ABCB5: variants seen among roughly 807,000 people sequenced by gnomAD.
ABCB5 encodes the protein ATP-binding cassette sub-family B member 5.
A neutral mutation model predicts 144.2 loss-of-function variants in ABCB5; 155 were observed. The observed-to-expected ratio is 1.08, with a 90% CI of 0.94 to 1.23. The LOEUF (loss-of-function observed/expected upper bound fraction) is 1.23, where lower values mean the gene tolerates loss of function less well. ABCB5 is among the 50% of genes most tolerant of loss of function. The pLI is 0.00. For missense variants in ABCB5, 1,830 were observed against 1,520.8 expected (o/e 1.20, Z -3.38); for synonymous variants, 610 against 528.6 (o/e 1.15, Z -2.11).
In ABCB5 at chr7:20,651,566, G is replaced by C. The variant is rs764251604; in HGVS notation, c.1479G>C (p.Glu493Asp). The C allele has an allele frequency of 1.9e-6, 3 of 1,614,016 alleles. No individual in the cohort carries two copies. In the African/African-American group the frequency reaches 4.0e-5, roughly 22 times the overall value. Residue 493 changes from glutamate to aspartate, a missense_variant, in exon 13 of 28, where the codon GAG (glutamate) becomes GAC (aspartate). Coordinates refer to ENST00000404938, the MANE Select transcript of ABCB5 (RefSeq NM_001163941.2). The part of the protein sequence containing the change: ...KYGRDDVTDE[E>D]MERAAREANA... ...GACGAGATGATGTGACTGATGAAGA[G>C]ATGGAGAGAGCAGCAAGGGAAGCAA...
At chr7:20,725,897 C>T (rs1306676862) in intron 21 of ABCB5, among the ~76,000 whole-genome samples, 1 of 152,128 alleles carries the variant, frequency 6.6e-6, no homozygotes, top group Non-Finnish European at 1.5e-5. Context: ...AAATTGGGAG[C>T]AGAATCCTGG....
At position 20,708,013 on chromosome 7, in the gene ABCB5, G is replaced by A. The variant is rs375031038; in HGVS notation, c.2421+3206G>A. ...GTAGAGACGGGTTTTCACCATGTTAGCCAGGATGGTCTCGATCTCCTGACC... is the reference window on the plus strand; with the variant it reads ...GTAGAGACGGGTTTTCACCATGTTAACCAGGATGGTCTCGATCTCCTGACC... On this transcript the variant is annotated intron_variant, in intron 20 of 27. Transcript: ENST00000404938. 2.6e-5 allele frequency among the ~76,000 whole-genome samples: 4 copies of A among 151,972 alleles called. No individual in the cohort carries two copies. In the East Asian group the frequency reaches 7.7e-4, roughly 29 times the overall value.
At chr7:20,740,803 C>T (rs77103082) in intron 24 of ABCB5, among the ~76,000 whole-genome samples, 12 of 151,978 alleles carry the variant, frequency 7.9e-5, no homozygotes, top group Middle Eastern at 3.2e-3. Context: ...TATCACTCTA[C>T]GCTTTTAAAA....
intron 24 of ABCB5, among the ~76,000 whole-genome samples, chr7:20,740,408 T>C (rs1034497520): frequency 2.0e-5 from 3 of 152,154 alleles, no homozygotes; most frequent in African/African-American, 7.2e-5. Flanking sequence ...TTAATAGATT[T>C]ATATGTATGA....
chr7:20,658,069 T>G (rs1784869078), intron 13 of ABCB5, among the ~76,000 whole-genome samples: 1 of 152,170 alleles, frequency 6.6e-6, no homozygotes, highest in South Asian at 2.1e-4. Flanking sequence ...GGTAGCAATT[T>G]TTTTTCATGC....
Position 20,739,047 on chromosome 7 carries a change from T to C in ABCB5, c.2932T>C (p.Tyr978His). ...IGETLVLAPE[Y>H]SKAKSGAAHL... is the part of the protein sequence containing the mutation. The stretch of plus-strand genomic sequence containing the variant: ...AGAAACGCTCGTTTTGGCTCCTGAA[T>C]ATTCCAAAGCCAAATCGGGGGCTGC... The change falls in exon 24 of 28, where the codon TAT (tyrosine) becomes CAT (histidine). Residue 978 changes from tyrosine (Y) to histidine (H), a missense_variant. By Grantham distance (83) the Tyr-to-His change is moderately conservative (BLOSUM62 2). Transcript: ENST00000404938. The C allele has an allele frequency of 6.2e-7, 1 of 1,612,828 alleles. No homozygotes were observed. The highest frequency in any genetic ancestry group is 8.5e-7 in the Non-Finnish European group (1 of 1,179,454).
intron 14 of ABCB5, chr7:20,667,393 T>G: frequency 1.0e-6 from 1 of 985,572 alleles, no homozygotes; most frequent in Non-Finnish European, 1.2e-6. Flanking sequence ...CAGGAAACCC[T>G]GTGATTCTGA....
chr7:20,674,108 T>A (rs1444088236), intron 14 of ABCB5, among the ~76,000 whole-genome samples: 2 of 151,978 alleles, frequency 1.3e-5, no homozygotes, highest in Admixed American at 1.3e-4. Context: ...CTACATATGT[T>A]ATAAACTCCA....
intron 15 of ABCB5, 119 bp from the exon 16 acceptor site, chr7:20,685,577 C>A: frequency 1.1e-6 from 1 of 881,528 alleles, no homozygotes; most frequent in Non-Finnish European, 1.7e-6. Flanking sequence ...GCAAGAACTA[C>A]ATTAGAATAT....
chr7:20,700,278 G>C, intron 19 of ABCB5, 143 bp downstream of exon 19: 3 of 689,234 alleles, frequency 4.4e-6, no homozygotes, highest in Non-Finnish European at 4.6e-6. Flanking sequence ...AAAATCTGAT[G>C]TCAGAAGTCT....
rs770754241 is a variant in ABCB5, at chr7:20,681,680, G to A, written c.1869+14G>A. The A allele has an allele frequency of 4.3e-6, 7 of 1,610,456 alleles. No homozygotes were observed. The highest frequency in any genetic ancestry group is 1.1e-5 in the South Asian group (1 of 90,870). ...GTGATGTCACAGGTAATGCTTATGT[G>A]ACATAATGCTATGTCAGCAGGGTTT... is the stretch of plus-strand genomic sequence containing the variant. On this transcript the variant is annotated intron_variant, in intron 15 of 27. Transcript: ENST00000404938.
At chr7:20,666,907 A>C in intron 14 of ABCB5, 1 of 1,314,492 alleles carries the variant, frequency 7.6e-7, no homozygotes, top group Non-Finnish European at 9.8e-7. Context: ...TTTCCTGATC[A>C]GTTTTTTAGC....
At chr7:20,650,617 C>T (rs1022871173) in intron 12 of ABCB5, among the ~76,000 whole-genome samples, 3 of 151,026 alleles carry the variant, frequency 2.0e-5, no homozygotes, top group Non-Finnish European at 4.4e-5. Context: ...ACTTTCTCAG[C>T]CTTGTAAGTG....
intron 4 of ABCB5, among the ~76,000 whole-genome samples, chr7:20,629,418 T>C (rs1783983607): frequency 6.6e-6 from 1 of 152,124 alleles, no homozygotes; most frequent in Non-Finnish European, 1.5e-5. Flanking sequence ...CAGGATTTAA[T>C]CAAACGCTTG....
Position 20,753,089 on chromosome 7 carries a change from T to A in ABCB5, c.3430-271T>A, listed in dbSNP as rs565561677. Among the ~76,000 whole-genome samples, 5 of 152,324 alleles carry A rather than the reference T, an allele frequency of 3.3e-5. No homozygotes were observed. In the South Asian group the frequency reaches 1.0e-3, roughly 32 times the overall value. On this transcript the variant is annotated intron_variant, in intron 26 of 27. Coordinates refer to ENST00000404938, the MANE Select transcript of ABCB5 (RefSeq NM_001163941.2). ...ACTTGTTTCTTGCCAGTAATTTTTT[T>A]CTTATGCTTTAATTTGAAAAATTTC...
At position 20,676,858 on chromosome 7, in the gene ABCB5, G is replaced by A. The variant is rs541860554; in HGVS notation, c.1708-4647G>A. Among the ~76,000 whole-genome samples, 211 of 152,198 alleles carry A rather than the reference G, an allele frequency of 1.4e-3. 2 individuals are homozygous for A. The highest frequency in any genetic ancestry group is 2.5e-3 in the Admixed American group (38 of 15,280). ...TAAGACTTAGGGGGTTAAAAAACTT[G>A]TCTAAGTCCTCCAAGACAGAAATTG... On this transcript the variant is annotated intron_variant, in intron 14 of 27. Transcript: ENST00000404938.
At position 20,742,821 on chromosome 7, in the gene ABCB5, G is replaced by C. The variant is rs1364353013; in HGVS notation, c.3025-56G>C. 8 of 1,557,528 alleles carry C rather than the reference G, an allele frequency of 5.1e-6. No homozygotes were observed. In the African/African-American group the frequency reaches 1.1e-4, roughly 21 times the overall value. ...AAATGAACTTGGCCAGTATGCTACA[G>C]TGTGTTACAACCTTCCCAAGTCATT... is the stretch of plus-strand genomic sequence containing the variant. On this transcript the variant is annotated intron_variant, in intron 24 of 27. Coordinates refer to ENST00000404938, the MANE Select transcript of ABCB5 (RefSeq NM_001163941.2).
At chr7:20,702,261 T>G (rs950988639) in intron 19 of ABCB5, among the ~76,000 whole-genome samples, 4 of 152,202 alleles carry the variant, frequency 2.6e-5, no homozygotes, top group Non-Finnish European at 5.9e-5. Flanking sequence ...GCTATTGAGT[T>G]TTTGAACATG....
chr7:20,653,189 T>C (rs1784659775), intron 13 of ABCB5, among the ~76,000 whole-genome samples: 1 of 152,226 alleles, frequency 6.6e-6, no homozygotes, highest in South Asian at 2.1e-4. Flanking sequence ...AAGTTACTAC[T>C]TGCTTTTACC....
Sources: gnomAD v4.1 joint callset for allele counts (sites outside exome capture counted in the v4.1 genomes callset) on GRCh38, gnomAD v4.1.1 for gene constraint, MANE v1.5 for transcripts, NCBI Gene and HGNC (gene_info 2026-07-23, HGNC 2026-07-21) for gene names.